The following ZBTB17 variants were observed in gnomAD, a reference collection of about 807,000 sequenced individuals.
The protein encoded by ZBTB17 is zinc finger and BTB domain-containing protein 17.
A neutral mutation model predicts 85.1 loss-of-function variants in ZBTB17; 24 were observed. The observed-to-expected ratio is 0.28, with a 90% CI of 0.20 to 0.40. ZBTB17 has a LOEUF of 0.40. Ranked by LOEUF, ZBTB17 falls within the 10% of genes least tolerant of loss-of-function variation. The probability of loss-of-function intolerance (pLI) is 1.00; values close to 1 mark genes in which losing one functional copy is unlikely to be tolerated. For missense variants in ZBTB17, 743 were observed against 1,105.1 expected (o/e 0.67, Z 4.65); for synonymous variants, 464 against 460.2 (o/e 1.01, Z -0.11).
chr1:15,971,523 CACACACACTA>C (rs1557800075), intron 2 of ZBTB17, among the ~76,000 whole-genome samples: 1 of 127,392 alleles, frequency 7.8e-6, no homozygotes, highest in African/African-American at 3.6e-5. Flanking sequence ...TATATATATA[CACACACACTA>C]TATATATACA....
rs1464795314 is a variant in ZBTB17 at position 15,943,077 on chromosome 1, G to A, written c.1815C>T (p.Ile605=). The change falls in exon 13 of 16, where the codon ATC becomes ATT. Residue 605 remains isoleucine (I), a synonymous_variant. Transcript: ENST00000375743. ...FVNVGDLSKH[I]IIHTGEKPYL... is the part of the protein sequence containing the mutation. ...GCCACAGCTCACCAGTGTGAATGAT[G>A]ATGTGCTTGGACAGGTCCCCCACGT... 3 of 1,614,142 alleles carry A rather than the reference G, an allele frequency of 1.9e-6. No individual in the cohort carries two copies. The African/African-American group carries it at 4.0e-5, about 22-fold the overall frequency.
In ZBTB17 at chr1:15,966,277, G is replaced by A. The variant is rs958483134; in HGVS notation, c.-3+6762C>T. ...GAAATTCGAGTGGAGCCTGCCACTC[G>A]GGACAGGAAAGTGACTGCTTAGGTT... On this transcript the variant is annotated intron_variant, in intron 2 of 15. Coordinates refer to ENST00000375743, the MANE Select transcript of ZBTB17 (RefSeq NM_003443.3). This position sits in a 1 kb window ranked among gnomAD's most constrained non-coding sequence, Gnocchi z 4.1. 1.4e-4 allele frequency among the ~76,000 whole-genome samples: 22 copies of A among 152,150 alleles called. No individual in the cohort carries two copies. The highest frequency in any genetic ancestry group is 4.6e-4 in the African/African-American group (19 of 41,418).
At chr1:15,957,400 C>T (rs2072088080) in intron 2 of ZBTB17, among the ~76,000 whole-genome samples, 2 of 150,968 alleles carry the variant, frequency 1.3e-5, no homozygotes, top group African/African-American at 4.9e-5. Flanking sequence ...GCACAGGGGC[C>T]GGTGTGTGTG....
chr1:15,945,388 G>C (rs2071555463), intron 6 of ZBTB17, among the ~76,000 whole-genome samples, 186 bp from the exon 7 acceptor site: 2 of 152,222 alleles, frequency 1.3e-5, no homozygotes, highest in Admixed American at 1.3e-4. Context: ...GCCAGCTGGG[G>C]TGGGCGCTGT....
chr1:15,945,322 C>CG (rs1368028078), intron 6 of ZBTB17, 120 bp from the exon 7 acceptor site: 42 of 1,455,306 alleles, frequency 2.9e-5, no homozygotes, highest in South Asian at 1.1e-4. Context: ...GGAAAGCCCC[C>CG]GGGGGGGCCT....
At chr1:15,944,638 G>A (rs2071512668) in intron 8 of ZBTB17, 38 bp from the exon 9 acceptor site, 1 of 1,600,906 alleles carries the variant, frequency 6.2e-7, no homozygotes, top group Non-Finnish European at 8.5e-7. Context: ...AGGGCTCGCT[G>A]GGGCGTGAAA....
At chr1:15,947,609 T>A (rs1160689062) in intron 3 of ZBTB17, among the ~76,000 whole-genome samples, 7 of 152,148 alleles carry the variant, frequency 4.6e-5, no homozygotes, top group African/African-American at 1.7e-4. Context: ...ATGCCCACCC[T>A]GCATTGAGGA....
chr1:15,956,284 G>A (rs190695651), intron 2 of ZBTB17, among the ~76,000 whole-genome samples: 2 of 152,274 alleles, frequency 1.3e-5, no homozygotes, highest in East Asian at 3.9e-4. Flanking sequence ...CTGCAAGGTG[G>A]GGCTACTTCT....
chr1:15,970,129 T>C (rs1034706733), intron 2 of ZBTB17: 1 of 610,888 alleles, frequency 1.6e-6, no homozygotes, highest in African/African-American at 1.8e-5. Context: ...GGTCATCATA[T>C]GTACCTTTTG....
At chr1:15,971,381 C>T (rs868165511) in intron 2 of ZBTB17, among the ~76,000 whole-genome samples, 1 of 132,442 alleles carries the variant, frequency 7.6e-6, no homozygotes, top group Admixed American at 7.6e-5. Flanking sequence ...TATACACACA[C>T]TATATATATA....
Position 15,944,524 on chromosome 1 carries a change from G to T in ZBTB17, c.1147C>A (p.Arg383=). 7.5e-6 allele frequency: 12 copies of T among 1,592,768 alleles called. No individual in the cohort carries two copies. Among genetic ancestry groups the T allele is most frequent in the Non-Finnish European group, 1.0e-5 (12 of 1,174,474 alleles). The part of the protein sequence containing the change: ...LISLLNLHKK[R]HSGEARYRCE... ...CGGTAGCGCGCCTCGCCCGAGTGCC[G>T]CTTCTTGTGCAGGTTCAGCAGGCTG... The change falls in exon 9 of 16, where the codon CGG becomes AGG. Residue 383 remains arginine, a synonymous_variant. Transcript: ENST00000375743.
intron 9 of ZBTB17, 138 bp downstream of exon 9, chr1:15,944,162 C>A: frequency 7.6e-7 from 1 of 1,307,414 alleles, no homozygotes; most frequent in Non-Finnish European, 1.1e-6. Flanking sequence ...GCTCTCGCTG[C>A]GCCTGTTTCC....
At chr1:15,965,716 C>G (rs1424608171) in intron 2 of ZBTB17, among the ~76,000 whole-genome samples, 1 of 152,162 alleles carries the variant, frequency 6.6e-6, no homozygotes, top group African/African-American at 2.4e-5. Context: ...TACAATGGAA[C>G]ATTATTCATC....
At chr1:15,968,135 T>C (rs187295593) in intron 2 of ZBTB17, among the ~76,000 whole-genome samples, 1 of 152,200 alleles carries the variant, frequency 6.6e-6, no homozygotes, top group Admixed American at 6.5e-5. Context: ...CCTGCTATAC[T>C]GGAACAAGAC....
At chr1:15,947,259 CTG>C in intron 3 of ZBTB17, 136 bp from the exon 4 acceptor site, 1 of 898,816 alleles carries the variant, frequency 1.1e-6, no homozygotes, top group East Asian at 2.7e-5. Flanking sequence ...CCCATCTCCT[CTG>C]TGGAGAGGAG....
chr1:15,970,259 C>T (rs1392504632), intron 2 of ZBTB17: 7 of 411,744 alleles, frequency 1.7e-5, no homozygotes, highest in Non-Finnish European at 2.6e-5. Context: ...AGGACAAAGG[C>T]GAGACATCTG....
Position 15,946,258 on chromosome 1 carries a change from G to C in ZBTB17, c.431C>G (p.Thr144Ser). The C allele has an allele frequency of 6.2e-7, 1 of 1,613,908 alleles. No homozygotes were observed. Among genetic ancestry groups the C allele is most frequent in the Non-Finnish European group, 8.5e-7 (1 of 1,179,936 alleles). Residue 144 changes from threonine to serine, a missense_variant, in exon 5 of 16, where the codon ACC becomes AGC. By Grantham distance (58) the Thr-to-Ser change is moderately conservative. Around this residue, in one of 4 missense-constraint regions of ZBTB17, gnomAD observed 279 missense variants for 269.9 expected, o/e 1.03. Transcript: ENST00000375743. ...DKRAKEEKVA[T>S]STLSRLEQAG... ...CTGCTCCAGCCTGCTCAGCGTGCTG[G>C]TGGCCACCTTCTCCTCTTTGGCTCT... is the stretch of plus-strand genomic sequence containing the variant.
Position 15,947,127 on chromosome 1 carries a change from C to T in ZBTB17, c.206-4G>A. The stretch of plus-strand genomic sequence containing the variant: ...AACTCCAGCACCTGCCCCAGGCCTA[C>T]CAAGGACAGGACAGCTGTCACAGAC... On this transcript the variant is annotated splice_region_variant and splice_polypyrimidine_tract_variant and intron_variant, in intron 3 of 15. Coordinates refer to ENST00000375743, the MANE Select transcript of ZBTB17 (RefSeq NM_003443.3). The T allele has an allele frequency of 6.2e-7, 1 of 1,605,738 alleles. No homozygotes were observed. Among genetic ancestry groups the T allele is most frequent in the Non-Finnish European group, 8.5e-7 (1 of 1,173,654 alleles).
At chr1:15,947,234 G>C in intron 3 of ZBTB17, 111 bp from the exon 4 acceptor site, 1 of 1,145,268 alleles carries the variant, frequency 8.7e-7, no homozygotes, top group Middle Eastern at 2.7e-4. Flanking sequence ...CAGCTGAGTG[G>C]CAAGCCTGCA....
Sources: allele counts gnomAD v4.1 joint callset (sites outside exome capture counted in the v4.1 genomes callset), GRCh38; gene constraint gnomAD v4.1.1; regional missense constraint gnomAD v4.1.1; non-coding constraint Gnocchi (gnomAD v3.1); transcripts MANE v1.5; gene names NCBI Gene and HGNC (gene_info 2026-07-23, HGNC 2026-07-21).